The following MAP2K5 variants were observed in gnomAD, a reference collection of about 807,000 sequenced individuals.
MAP2K5 encodes dual specificity mitogen-activated protein kinase kinase 5.
MAP2K5 carries 49 observed loss-of-function variants against 83.1 expected under a neutral mutation model. That is an observed-to-expected ratio of 0.59 (90% CI 0.47 to 0.75). MAP2K5 has a LOEUF of 0.75. Ranked by LOEUF, MAP2K5 falls within the 30% of genes least tolerant of loss-of-function variation. MAP2K5 has a pLI of 0.00. For missense variants in MAP2K5, 457 were observed against 557.5 expected, an observed-to-expected ratio of 0.82 and a Z score of 1.82; for synonymous variants, 202 against 191.8, an observed-to-expected ratio of 1.05 and a Z score of -0.44.
At position 67,806,880 on chromosome 15, in the gene MAP2K5, C is replaced by T. The variant is rs1227859703; in HGVS notation, c.*130C>T. On this transcript the variant is annotated 3_prime_UTR_variant, in exon 22 of 22. Transcript: ENST00000178640. ...CTGGCTTCCCTGCCCTCGCCTTCAC[C>T]TCTGTCAGCAGGTGGCCTTGCCTGG... The T allele has an allele frequency of 6.3e-7, 1 of 1,594,634 alleles. No individual in the cohort carries two copies. The highest frequency in any genetic ancestry group is 8.5e-7 in the Non-Finnish European group (1 of 1,178,110).
At chr15:67,549,147 A>G in intron 1 of MAP2K5, 1 of 1,535,622 alleles carries the variant, frequency 6.5e-7, no homozygotes, top group East Asian at 2.4e-5. Flanking sequence ...CTGGAGAGAA[A>G]TGAGGTTTGC....
intron 8 of MAP2K5, among the ~76,000 whole-genome samples, chr15:67,630,327 T>A (rs1436827226): frequency 6.6e-6 from 1 of 152,234 alleles, no homozygotes; most frequent in Non-Finnish European, 1.5e-5. Flanking sequence ...TTCTTTTTCA[T>A]AAATGGATAC....
At position 67,552,107 on chromosome 15, in the gene MAP2K5, C is replaced by G. The variant is rs1229022885; in HGVS notation, c.184+2025C>G. On this transcript the variant is annotated intron_variant, in intron 2 of 21. Transcript: ENST00000178640. This position sits in a 1 kb window ranked among gnomAD's most constrained non-coding sequence, Gnocchi z 4.2. The stretch of plus-strand genomic sequence containing the variant: ...GGGAGGGGGTGGATGAATGATCACA[C>G]TTTTTACTTTGTATGTTTCTCTATT... Among the ~76,000 whole-genome samples the G allele has an allele frequency of 6.6e-6, 1 of 152,084 alleles. No individual in the cohort carries two copies. The highest frequency in any genetic ancestry group is 1.5e-5 in the Non-Finnish European group (1 of 68,020).
intron 17 of MAP2K5, among the ~76,000 whole-genome samples, chr15:67,745,799 T>C (rs2089593754): frequency 6.6e-6 from 1 of 152,234 alleles, no homozygotes; most frequent in South Asian, 2.1e-4. Context: ...TGTTGCATCA[T>C]CAAATTCTTG....
At chr15:67,772,789 T>G (rs1392667963) in intron 21 of MAP2K5, 37 bp downstream of exon 21, 45 of 1,514,810 alleles carry the variant, frequency 3.0e-5, no homozygotes, top group Non-Finnish European at 4.0e-5. Context: ...GAATTCTCAG[T>G]TATATATTTA....
intron 3 of MAP2K5, among the ~76,000 whole-genome samples, chr15:67,575,928 T>TCTTTCTTTCTTTCTTTC (rs1596583471): frequency 3.5e-4 from 18 of 51,346 alleles, no homozygotes; most frequent in African/African-American, 1.4e-3. Flanking sequence ...TTTTTTTTTT[T>TCTTTCTTTCTTTCTTTC]TTTTTTTTTA....
chr15:67,766,859 G>T (rs536569382), intron 19 of MAP2K5, among the ~76,000 whole-genome samples: 1 of 152,292 alleles, frequency 6.6e-6, no homozygotes, highest in Admixed American at 6.5e-5. Context: ...CAGTGTTTAT[G>T]TGTGGCATTC....
chr15:67,625,574 G>T (rs1422339023), intron 8 of MAP2K5, among the ~76,000 whole-genome samples: 1 of 152,176 alleles, frequency 6.6e-6, no homozygotes, highest in African/African-American at 2.4e-5. Context: ...TGTTGAGGAA[G>T]GTCAAGACAA....
At position 67,592,118 on chromosome 15, in the gene MAP2K5, C is replaced by CAAAAAAAAA. The variant is rs71142384; in HGVS notation, c.432-799_432-791dup. On this transcript the variant is annotated intron_variant, in intron 6 of 21. Coordinates refer to ENST00000178640, the MANE Select transcript of MAP2K5 (RefSeq NM_145160.3). The stretch of plus-strand genomic sequence containing the variant: ...GGGCAACAAGAGTGAAACTATGTCT[C>CAAAAAAAAA]AAAAAAAAAAAAAAAAAGGACTTTC... Among the ~76,000 whole-genome samples, 37 of 117,970 alleles carry CAAAAAAAAA rather than the reference C, an allele frequency of 3.1e-4. 17 individuals carry two copies. The highest frequency in any genetic ancestry group is 3.0e-4 in the Non-Finnish European group (18 of 59,032). 77.4% of individuals were successfully genotyped at this position (117,970 alleles called of 152,430 possible).
intron 1 of MAP2K5, chr15:67,546,163 G>A (rs908084185): frequency 1.3e-5 from 2 of 152,260 alleles, no homozygotes; most frequent in East Asian, 3.9e-4. Flanking sequence ...GCAGACTCCT[G>A]TGATCTGTTC....
At position 67,690,917 on chromosome 15, in the gene MAP2K5, A is replaced by G. The variant is rs890549626; in HGVS notation, c.848-1562A>G. Among the ~76,000 whole-genome samples the G allele has an allele frequency of 6.6e-5, 10 of 152,336 alleles. No homozygotes were observed. In the Middle Eastern group the frequency reaches 0.01, roughly 155 times the overall value. ...GTGCTTGGAAGGGATACATTTAAAGATGTTTTAAGTATGCTCCTACCCTGT... is the reference window on the plus strand; with the variant it reads ...GTGCTTGGAAGGGATACATTTAAAGGTGTTTTAAGTATGCTCCTACCCTGT... On this transcript the variant is annotated intron_variant, in intron 13 of 21. Coordinates refer to ENST00000178640, the MANE Select transcript of MAP2K5 (RefSeq NM_145160.3). The surrounding 1 kb of genome is among the most constrained non-coding windows in gnomAD (Gnocchi z 4.3).
At chr15:67,739,987 T>C (rs937662470) in intron 17 of MAP2K5, among the ~76,000 whole-genome samples, 12 of 152,062 alleles carry the variant, frequency 7.9e-5, no homozygotes, top group African/African-American at 2.4e-4. Context: ...GTTGGAAGGA[T>C]GGGGGGAAGC....
chr15:67,739,147 G>A (rs1320866516), intron 17 of MAP2K5, among the ~76,000 whole-genome samples: 1 of 151,590 alleles, frequency 6.6e-6, no homozygotes, highest in Non-Finnish European at 1.5e-5. Flanking sequence ...AGGTGTGGTG[G>A]CATATGCCTA....
At chr15:67,751,985 C>T (rs1429788324) in intron 19 of MAP2K5, among the ~76,000 whole-genome samples, 1 of 152,154 alleles carries the variant, frequency 6.6e-6, no homozygotes, top group Non-Finnish European at 1.5e-5. Flanking sequence ...TCTATGGGCA[C>T]TCCTCATTCT....
chr15:67,739,766 C>CCACTG (rs1459846981), intron 17 of MAP2K5, among the ~76,000 whole-genome samples: 1 of 151,970 alleles, frequency 6.6e-6, no homozygotes, highest in African/African-American at 2.4e-5. Flanking sequence ...CAGGCATGAG[C>CCACTG]CACTGCACCT....
rs139289332 is a variant in MAP2K5 at position 67,645,062 on chromosome 15, C to T, written c.586-1169C>T. The stretch of plus-strand genomic sequence containing the variant: ...ACTCAGGAGGCTGAGACACGAGAAT[C>T]GCTTGAGCCCATGAGACAGAGGTTG... On this transcript the variant is annotated intron_variant, in intron 9 of 21. Coordinates refer to ENST00000178640, the MANE Select transcript of MAP2K5 (RefSeq NM_145160.3). Among the ~76,000 whole-genome samples, 23 of 152,164 alleles carry T rather than the reference C, an allele frequency of 1.5e-4. No homozygotes were observed. In the East Asian group the frequency reaches 4.5e-3, roughly 29 times the overall value.
At chr15:67,549,238 G>C (rs897143947) in intron 1 of MAP2K5, 2 of 1,473,058 alleles carry the variant, frequency 1.4e-6, no homozygotes, top group East Asian at 4.9e-5. Context: ...CAATTAAGCT[G>C]TCTCAGTATA....
At chr15:67,662,622 A>G (rs1327801240) in intron 12 of MAP2K5, among the ~76,000 whole-genome samples, 1 of 152,138 alleles carries the variant, frequency 6.6e-6, no homozygotes, top group Non-Finnish European at 1.5e-5. Flanking sequence ...ATTTATACAT[A>G]AAGATTTTTT....
chr15:67,680,899 C>G (rs558217411), intron 13 of MAP2K5, among the ~76,000 whole-genome samples: 7 of 152,298 alleles, frequency 4.6e-5, no homozygotes, highest in African/African-American at 1.4e-4. Context: ...AAGAAGCCTG[C>G]CTTCAGGTGG....
Sources: allele counts gnomAD v4.1 joint callset (sites outside exome capture counted in the v4.1 genomes callset), GRCh38; gene constraint gnomAD v4.1.1; non-coding constraint Gnocchi (gnomAD v3.1); transcripts MANE v1.5; gene names NCBI Gene and HGNC (gene_info 2026-07-23, HGNC 2026-07-21).